The following EPS15L1 variants were observed in gnomAD, a reference collection of about 807,000 sequenced individuals.
EPS15L1 encodes the protein epidermal growth factor receptor pathway substrate 15 like 1, also known as epidermal growth factor receptor substrate 15-like 1.
Under a neutral mutation model 117.1 loss-of-function variants are expected in EPS15L1, and 43 were observed. The observed-to-expected ratio is 0.37, with a 90% CI of 0.29 to 0.47. EPS15L1 has a LOEUF of 0.47. EPS15L1 is among the 20% of genes least tolerant of loss of function. The pLI, the probability that EPS15L1 is intolerant of heterozygous loss-of-function variation, is 0.99. For synonymous variants in EPS15L1, 459 were observed against 470.5 expected (o/e 0.98, Z 0.32); for missense variants, 981 against 1,164.0 (o/e 0.84, Z 2.29).
intron 20 of EPS15L1, among the ~76,000 whole-genome samples, chr19:16,385,880 C>T (rs1165958015): frequency 6.6e-6 from 1 of 152,204 alleles, no homozygotes; most frequent in Non-Finnish European, 1.5e-5. Flanking sequence ...AAGATACAAA[C>T]CAAAGATTTA....
intron 12 of EPS15L1, among the ~76,000 whole-genome samples, chr19:16,414,697 C>G (rs911057474): frequency 1.3e-5 from 2 of 150,332 alleles, no homozygotes; most frequent in East Asian, 3.9e-4. Context: ...ACACGCCTGG[C>G]CTTTTTTTGG....
At chr19:16,430,210 G>A (rs895646312) in intron 7 of EPS15L1, among the ~76,000 whole-genome samples, 2 of 152,218 alleles carry the variant, frequency 1.3e-5, no homozygotes, top group African/African-American at 2.4e-5. Context: ...TGCTCCCCGT[G>A]CTCGAGTGGG....
intron 1 of EPS15L1, among the ~76,000 whole-genome samples, chr19:16,447,596 C>T (rs2093096869): frequency 6.6e-6 from 1 of 151,992 alleles, no homozygotes; most frequent in South Asian, 2.1e-4. Flanking sequence ...CCCATCACTA[C>T]TAAAAATACA....
At chr19:16,409,801 G>C (rs1266043455) in intron 13 of EPS15L1, among the ~76,000 whole-genome samples, 1 of 152,012 alleles carries the variant, frequency 6.6e-6, no homozygotes, top group Non-Finnish European at 1.5e-5. Flanking sequence ...AGCTGTGTGT[G>C]GTGGTGCACA....
chr19:16,402,291 CA>C, intron 16 of EPS15L1, 29 bp downstream of exon 16: 1 of 1,576,520 alleles, frequency 6.3e-7, no homozygotes, highest in South Asian at 1.2e-5. Flanking sequence ...ACCAGAGCCC[CA>C]TACTGTAATA....
intron 1 of EPS15L1, among the ~76,000 whole-genome samples, chr19:16,467,798 G>T (rs1211695594): frequency 6.6e-6 from 1 of 152,198 alleles, no homozygotes; most frequent in Non-Finnish European, 1.5e-5. Context: ...TGCCCAGCAG[G>T]CCATCTGGAA....
At chr19:16,385,253 G>C in intron 20 of EPS15L1, 42 bp from the exon 21 acceptor site, 1 of 1,534,258 alleles carries the variant, frequency 6.5e-7, no homozygotes. Flanking sequence ...AGGTCTTTAA[G>C]AGAACATGCC....
intron 12 of EPS15L1, among the ~76,000 whole-genome samples, chr19:16,414,281 A>T (rs1484104605): frequency 6.6e-6 from 1 of 152,140 alleles, no homozygotes; most frequent in Non-Finnish European, 1.5e-5. Context: ...GATTCTGCCA[A>T]CACCTGAATG....
intron 9 of EPS15L1, among the ~76,000 whole-genome samples, chr19:16,424,270 G>A (rs895203673): frequency 6.6e-6 from 1 of 152,182 alleles, no homozygotes; most frequent in Non-Finnish European, 1.5e-5. Context: ...AGAAATGCTC[G>A]TTTTCATGAC....
intron 1 of EPS15L1, among the ~76,000 whole-genome samples, chr19:16,456,757 G>A (rs1301766997): frequency 6.6e-6 from 1 of 152,166 alleles, no homozygotes; most frequent in Non-Finnish European, 1.5e-5. Flanking sequence ...ACAGGGGACC[G>A]CATGATATGA....
chr19:16,444,388 G>T (rs1411954235), intron 1 of EPS15L1, among the ~76,000 whole-genome samples: 2 of 152,138 alleles, frequency 1.3e-5, no homozygotes, highest in Non-Finnish European at 2.9e-5. Context: ...ACCATTCCTG[G>T]GTGAGGGGTA....
At chr19:16,364,528 G>A (rs181335898) in intron 22 of EPS15L1, among the ~76,000 whole-genome samples, 3 of 152,288 alleles carry the variant, frequency 2.0e-5, no homozygotes, top group East Asian at 3.9e-4. Context: ...CAGACCCCGG[G>A]CTGGTTCCGC....
intron 9 of EPS15L1, among the ~76,000 whole-genome samples, chr19:16,423,180 C>T (rs1444930531): frequency 6.6e-6 from 1 of 152,108 alleles, no homozygotes; most frequent in African/African-American, 2.4e-5. Flanking sequence ...ACAAGGGATA[C>T]CATGTGACCC....
At chr19:16,414,393 G>A (rs1051398750) in intron 12 of EPS15L1, among the ~76,000 whole-genome samples, 5 of 152,046 alleles carry the variant, frequency 3.3e-5, no homozygotes, top group African/African-American at 4.8e-5. Context: ...AGGACAGCCT[G>A]TCTGAACTAC....
At chr19:16,434,186 A>G (rs1396800632) in intron 7 of EPS15L1, among the ~76,000 whole-genome samples, 179 bp downstream of exon 7, 2 of 152,048 alleles carry the variant, frequency 1.3e-5, no homozygotes, top group Non-Finnish European at 2.9e-5. Flanking sequence ...TGTAAGCCAC[A>G]CCCTAGGAAG....
chr19:16,368,590 A>G (rs556760258), intron 22 of EPS15L1, among the ~76,000 whole-genome samples: 1 of 151,630 alleles, frequency 6.6e-6, no homozygotes, highest in Non-Finnish European at 1.5e-5. Context: ...CATTCCACAC[A>G]ACAGGTGGTG....
chr19:16,436,262 G>A (rs540470402), intron 6 of EPS15L1, among the ~76,000 whole-genome samples: 1 of 152,320 alleles, frequency 6.6e-6, no homozygotes, highest in African/African-American at 2.4e-5. Flanking sequence ...ATAAACGTGA[G>A]GAAATGTGAC....
At chr19:16,463,232 C>G (rs2093270687) in intron 1 of EPS15L1, among the ~76,000 whole-genome samples, 1 of 152,182 alleles carries the variant, frequency 6.6e-6, no homozygotes, top group Non-Finnish European at 1.5e-5. Context: ...GCCCACCAGG[C>G]TCTGCCCACC....
intron 4 of EPS15L1, among the ~76,000 whole-genome samples, chr19:16,438,740 C>T (rs1021799006): frequency 2.6e-5 from 4 of 152,132 alleles, no homozygotes; most frequent in African/African-American, 9.7e-5. Flanking sequence ...CTATGTTGCC[C>T]AGGCTGGTCT....
Sources: gnomAD v4.1 joint callset for allele counts (sites outside exome capture counted in the v4.1 genomes callset) on GRCh38, gnomAD v4.1.1 for gene constraint, MANE v1.5 for transcripts, NCBI Gene and HGNC (gene_info 2026-07-23, HGNC 2026-07-21) for gene names.